PIK3R5: variants seen among roughly 807,000 people sequenced by gnomAD.
PIK3R5 encodes phosphoinositide 3-kinase regulatory subunit 5.
In PIK3R5, 32 loss-of-function variants were observed where a neutral mutation model predicts 94.9. The ratio of observed to expected loss-of-function variants is 0.34; its 90% CI spans 0.25 to 0.45. The LOEUF is 0.45. PIK3R5 is among the 20% of genes least tolerant of loss of function. The pLI, the probability that PIK3R5 is intolerant of heterozygous loss-of-function variation, is 1.00. For missense variants in PIK3R5, 853 were observed against 1,144.6 expected, an observed-to-expected ratio of 0.75 and a Z score of 3.68; for synonymous variants, 443 against 479.4, an observed-to-expected ratio of 0.92 and a Z score of 0.99.
chr17:8,884,838 G>C lies in PIK3R5; in HGVS notation c.2129-55C>G. 2.9e-5 allele frequency: 43 copies of C among 1,494,904 alleles called. No homozygotes were observed. Among genetic ancestry groups the C allele is most frequent in the Non-Finnish European group, 3.9e-5 (42 of 1,079,000 alleles). The allele number at this position is 1,494,904 out of a possible 1,614,324, so 92.6% of individuals were successfully genotyped here. ...ACCCCTGGCTTCCCCGGCTCCTCAC[G>C]AACGCAGTGGCCTTGCCTCCCTGGG... On this transcript the variant is annotated intron_variant, in intron 14 of 18. Transcript: ENST00000447110. This position sits in a 1 kb window ranked among gnomAD's most constrained non-coding sequence, Gnocchi z 5.8.
intron 5 of PIK3R5, among the ~76,000 whole-genome samples, chr17:8,900,583 G>A (rs2090257427): frequency 6.6e-6 from 1 of 152,198 alleles, no homozygotes; most frequent in East Asian, 1.9e-4. Context: ...ATGGTCCCGG[G>A]AAGGATGTGG....
At chr17:8,898,565 T>G (rs1394234622) in intron 5 of PIK3R5, among the ~76,000 whole-genome samples, 1 of 152,212 alleles carries the variant, frequency 6.6e-6, no homozygotes, top group African/African-American at 2.4e-5. Flanking sequence ...GTTACATAAA[T>G]GTCGAGCCTT....
At chr17:8,954,701 C>T (rs1372895281) in intron 1 of PIK3R5, among the ~76,000 whole-genome samples, 10 of 152,160 alleles carry the variant, frequency 6.6e-5, no homozygotes, top group South Asian at 2.1e-4. Context: ...TTCGGGAGGC[C>T]GAGGCGGGTA....
rs541185887 is a variant in PIK3R5, at chr17:8,950,913, C to T, written c.-14+14683G>A. 2.6e-5 allele frequency among the ~76,000 whole-genome samples: 4 copies of T among 152,328 alleles called. 1 individual carries two copies. The highest frequency in any genetic ancestry group is 9.6e-5 in the African/African-American group (4 of 41,578). On this transcript the variant is annotated intron_variant, in intron 1 of 18. Coordinates refer to ENST00000447110, the MANE Select transcript of PIK3R5 (RefSeq NM_001142633.3). ...GTGGTTGAACTAATTTACGCTCCCACCAACAATGTGTAAGTGTTCCCTTCT... is the reference window on the plus strand; with the variant it reads ...GTGGTTGAACTAATTTACGCTCCCATCAACAATGTGTAAGTGTTCCCTTCT...
chr17:8,903,463 T>G (rs2090333753), intron 5 of PIK3R5, among the ~76,000 whole-genome samples: 1 of 150,288 alleles, frequency 6.7e-6, no homozygotes, highest in South Asian at 2.1e-4. Context: ...ATAGATTTTT[T>G]TATTTTCTTT....
At position 8,893,847 on chromosome 17, in the gene PIK3R5, C is replaced by T. The variant is rs749418582; in HGVS notation, c.413-192G>A. 3 of 514,914 alleles carry T rather than the reference C, an allele frequency of 5.8e-6. No homozygotes were observed. Among genetic ancestry groups the T allele is most frequent in the East Asian group, 3.3e-5 (1 of 30,346 alleles). The allele number at this position is 514,914 out of a possible 1,614,324, so 31.9% of individuals were successfully genotyped here. Reference sequence around the variant, plus strand: ...TTTGCTTCTATGCGTCCTTTTACACCTCACGAGTCATATCCCCACCTCCAC... The same window carrying T: ...TTTGCTTCTATGCGTCCTTTTACACTTCACGAGTCATATCCCCACCTCCAC... On this transcript the variant is annotated intron_variant, in intron 5 of 18. Transcript: ENST00000447110. This position sits in a 1 kb window ranked among gnomAD's most constrained non-coding sequence, Gnocchi z 5.1.
chr17:8,947,460 T>C (rs139641902), intron 1 of PIK3R5, among the ~76,000 whole-genome samples: 2 of 152,116 alleles, frequency 1.3e-5, no homozygotes, highest in East Asian at 3.9e-4. Context: ...GTCATAGACT[T>C]TATGAAAGCA....
At chr17:8,932,294 C>T (rs1025205840) in intron 1 of PIK3R5, among the ~76,000 whole-genome samples, 7 of 151,826 alleles carry the variant, frequency 4.6e-5, no homozygotes, top group Admixed American at 1.3e-4. Flanking sequence ...AGTGCAGTGG[C>T]GTGATCTCGG....
chr17:8,905,054 C>T, intron 4 of PIK3R5, 139 bp from the exon 5 acceptor site: 1 of 922,884 alleles, frequency 1.1e-6, no homozygotes, highest in East Asian at 2.5e-5. Context: ...AGGACAAGGT[C>T]AGGTGGAACT....
At chr17:8,960,731 C>T (rs2091549029) in intron 1 of PIK3R5, among the ~76,000 whole-genome samples, 1 of 152,194 alleles carries the variant, frequency 6.6e-6, no homozygotes. Flanking sequence ...CCCTCACACC[C>T]CAGCCCTGCA....
Position 8,896,551 on chromosome 17 carries a change from A to G in PIK3R5, c.413-2896T>C, listed in dbSNP as rs2090157338. ...GGCGAAGAACGGGGTGAGTGGGCAG[A>G]ACACACTCATAGTGAAGTTCAAACT... is the stretch of plus-strand genomic sequence containing the variant. On this transcript the variant is annotated intron_variant, in intron 5 of 18. Coordinates refer to ENST00000447110, the MANE Select transcript of PIK3R5 (RefSeq NM_001142633.3). The surrounding 1 kb of genome is among the most constrained non-coding windows in gnomAD (Gnocchi z 4.0). Among the ~76,000 whole-genome samples, 1 of 152,204 alleles carries G rather than the reference A, an allele frequency of 6.6e-6. No individual in the cohort carries two copies. Among genetic ancestry groups the G allele is most frequent in the Non-Finnish European group, 1.5e-5 (1 of 68,046 alleles).
intron 1 of PIK3R5, among the ~76,000 whole-genome samples, chr17:8,923,439 C>A (rs2090794316): frequency 6.6e-6 from 1 of 152,230 alleles, no homozygotes; most frequent in South Asian, 2.1e-4. Context: ...TCCTTACCCC[C>A]ATTTTACAGA....
At chr17:8,958,472 GC>G (rs1365566819) in intron 1 of PIK3R5, among the ~76,000 whole-genome samples, 2 of 150,600 alleles carry the variant, frequency 1.3e-5, no homozygotes, top group African/African-American at 5.0e-5. Flanking sequence ...CCTTGCAGAT[GC>G]TTTAAAAAAG....
intron 2 of PIK3R5, among the ~76,000 whole-genome samples, chr17:8,910,584 C>A (rs1358332129): frequency 6.6e-6 from 1 of 152,096 alleles, no homozygotes; most frequent in African/African-American, 2.4e-5. Context: ...AAGTGGCCTG[C>A]GCAGGGTTGT....
chr17:8,880,413 C>G lies in PIK3R5; in HGVS notation c.*226G>C, dbSNP rs899949125. The stretch of plus-strand genomic sequence containing the variant: ...TCCTTCTCCTTCTACTGCCAGGAAT[C>G]TAAGAGGCTATGGGGTCTGGCCCTT... On this transcript the variant is annotated 3_prime_UTR_variant, in exon 19 of 19. Coordinates refer to ENST00000447110, the MANE Select transcript of PIK3R5 (RefSeq NM_001142633.3). The G allele has an allele frequency of 2.3e-6, 1 of 439,376 alleles. No individual in the cohort carries two copies. Among genetic ancestry groups the G allele is most frequent in the Admixed American group, 3.9e-5 (1 of 25,830 alleles). The allele number at this position is 439,376 out of a possible 1,614,324, so 27.2% of individuals were successfully genotyped here.
At chr17:8,941,925 G>A (rs145889620) in intron 1 of PIK3R5, among the ~76,000 whole-genome samples, 6 of 152,338 alleles carry the variant, frequency 3.9e-5, no homozygotes, top group African/African-American at 7.2e-5. Context: ...AAGACCCTTC[G>A]GGAGGATTTA....
At chr17:8,922,867 G>A (rs144939691) in intron 1 of PIK3R5, among the ~76,000 whole-genome samples, 232 of 152,204 alleles carry the variant, frequency 1.5e-3, no homozygotes, top group African/African-American at 5.1e-3. Context: ...GGAGGTCCAG[G>A]GAAGGCAGAA....
rs1786781750 is a variant in PIK3R5, at chr17:8,889,303, A to T, written c.812-81T>A. 4 of 1,013,880 alleles carry T rather than the reference A, an allele frequency of 3.9e-6. No homozygotes were observed. The South Asian group carries it at 5.8e-5, about 15-fold the overall frequency. The allele number at this position is 1,013,880 out of a possible 1,614,324, so 62.8% of individuals were successfully genotyped here. On this transcript the variant is annotated intron_variant, in intron 8 of 18. Transcript: ENST00000447110. The surrounding 1 kb of genome is among the most constrained non-coding windows in gnomAD (Gnocchi z 4.1). Reference sequence around the variant, plus strand: ...CCAGTCCAGTCCCCTTGCCTTGGAGAAGAGACCAGAGATGGGACAGGATCG... The same window carrying T: ...CCAGTCCAGTCCCCTTGCCTTGGAGTAGAGACCAGAGATGGGACAGGATCG...
Position 8,889,459 on chromosome 17 carries a change from A to G in PIK3R5, c.812-237T>C, listed in dbSNP as rs953847653. Among the ~76,000 whole-genome samples, 2 of 152,204 alleles carry G rather than the reference A, an allele frequency of 1.3e-5. No homozygotes were observed. Among genetic ancestry groups the G allele is most frequent in the African/African-American group, 4.8e-5 (2 of 41,442 alleles). Reference sequence around the variant, plus strand: ...TTTATGAGCTGTGCGAATGTGGCCAAACCACAACCTCTGAGCCTCATTTTA... The same window carrying G: ...TTTATGAGCTGTGCGAATGTGGCCAGACCACAACCTCTGAGCCTCATTTTA... On this transcript the variant is annotated intron_variant, in intron 8 of 18. Transcript: ENST00000447110. The surrounding 1 kb of genome is among the most constrained non-coding windows in gnomAD (Gnocchi z 4.1).
Sources: gnomAD v4.1 joint callset for allele counts (sites outside exome capture counted in the v4.1 genomes callset) on GRCh38, gnomAD v4.1.1 for gene constraint, Gnocchi (gnomAD v3.1) non-coding constraint, MANE v1.5 for transcripts, NCBI Gene and HGNC (gene_info 2026-07-23, HGNC 2026-07-21) for gene names.